The following ILDR2 variants were observed in gnomAD, a reference collection of about 807,000 sequenced individuals.
The protein encoded by ILDR2 is immunoglobulin-like domain-containing receptor 2.
Under a neutral mutation model 66.8 loss-of-function variants are expected in ILDR2, and 25 were observed. That is an observed-to-expected ratio of 0.37 (90% confidence interval 0.27 to 0.52). The LOEUF is 0.52. Among genes scored for constraint, ILDR2 ranks in the 20% least tolerant of loss-of-function variants. The probability of loss-of-function intolerance (pLI) is 0.88; values close to 1 mark genes in which losing one functional copy is unlikely to be tolerated. For missense variants in ILDR2, 827 were observed against 876.8 expected (o/e 0.94, Z 0.72); for synonymous variants, 367 against 357.2 (o/e 1.03, Z -0.31).
At chr1:166,960,207 G>A (rs1025363996) in intron 1 of ILDR2, among the ~76,000 whole-genome samples, 3 of 152,156 alleles carry the variant, frequency 2.0e-5, no homozygotes, top group African/African-American at 7.2e-5. Flanking sequence ...ATCTGGAAGC[G>A]AATACAACAG....
At chr1:166,928,317 C>T (rs1660426476) in intron 6 of ILDR2, among the ~76,000 whole-genome samples, 1 of 152,154 alleles carries the variant, frequency 6.6e-6, no homozygotes, top group Non-Finnish European at 1.5e-5. Flanking sequence ...GGGCTGGAAC[C>T]ATGTAGTCTG....
rs995542499 is a variant in ILDR2 at position 166,912,351 on chromosome 1, A to C, written c.*7004T>G. 2 of 152,218 alleles carry C rather than the reference A, an allele frequency of 1.3e-5. No homozygotes were observed. Among genetic ancestry groups the C allele is most frequent in the African/African-American group, 4.8e-5 (2 of 41,468 alleles). The allele number at this position is 152,218 out of a possible 1,614,324, so 9.4% of individuals were successfully genotyped here. A position where few individuals can be genotyped will look rare whatever the true frequency, so the allele number is the denominator to read the frequency against. On this transcript the variant is annotated 3_prime_UTR_variant, in exon 10 of 10. Coordinates refer to ENST00000271417, the MANE Select transcript of ILDR2 (RefSeq NM_199351.3). ...GTATCCTACCAACAAATCATTACTGAAGTAAACTTCCTTCAGAAAGAAAAT... is the reference window on the plus strand; with the variant it reads ...GTATCCTACCAACAAATCATTACTGCAGTAAACTTCCTTCAGAAAGAAAAT...
chr1:166,971,232 T>C (rs1019776126), intron 1 of ILDR2, among the ~76,000 whole-genome samples: 2 of 152,224 alleles, frequency 1.3e-5, no homozygotes, highest in Admixed American at 6.5e-5. Flanking sequence ...CTATGACTTA[T>C]TCATCTTTTC....
At chr1:166,975,083 T>C (rs767478468) in intron 1 of ILDR2, 140 bp downstream of exon 1, 1 of 632,082 alleles carries the variant, frequency 1.6e-6, no homozygotes, top group Non-Finnish European at 2.9e-6. Flanking sequence ...CGTTGCCCCC[T>C]CCCCCACTTT....
chr1:166,961,345 G>A (rs1275734902), intron 1 of ILDR2, among the ~76,000 whole-genome samples: 2 of 152,152 alleles, frequency 1.3e-5, no homozygotes, highest in African/African-American at 2.4e-5. Context: ...TTAGCCACTT[G>A]AGCAAGCCAC....
chr1:166,931,505 C>T (rs928994166), intron 6 of ILDR2, among the ~76,000 whole-genome samples: 2 of 152,158 alleles, frequency 1.3e-5, no homozygotes, highest in African/African-American at 4.8e-5. Flanking sequence ...TTTCAAAACC[C>T]TACTTGCCTA....
intron 7 of ILDR2, 112 bp from the exon 8 acceptor site, chr1:166,922,921 T>C: frequency 1.1e-6 from 1 of 879,528 alleles, no homozygotes; most frequent in Non-Finnish European, 1.8e-6. Context: ...CCTGCCTCAT[T>C]GCTGTCCAGG....
intron 3 of ILDR2, among the ~76,000 whole-genome samples, chr1:166,943,544 A>C (rs1208030863): frequency 6.7e-6 from 1 of 149,904 alleles, no homozygotes; most frequent in African/African-American, 2.4e-5. Flanking sequence ...ACCATTACTT[A>C]TATTTTATTG....
In ILDR2 at chr1:166,939,547, G is replaced by T; in HGVS notation, c.523C>A (p.Leu175Ile). 6.2e-7 allele frequency: 1 copy of T among 1,613,996 alleles called. No homozygotes were observed. The highest frequency in any genetic ancestry group is 8.5e-7 in the Non-Finnish European group (1 of 1,179,854). Reference protein sequence around the residue: ...VLGRTGLLADLLPSFAVEIMP... With the variant: ...VLGRTGLLADILPSFAVEIMP... ...ATCTCCACAGCAAAACTGGGCAAGA[G>T]ATCAGCAAGCAGCCCTGTCCTGCCT... The change falls in exon 4 of 10, where the codon CTC becomes ATC. Residue 175 changes from leucine (L) to isoleucine (I), a missense_variant. By Grantham distance (5) the Leu-to-Ile change is conservative. Transcript: ENST00000271417.
In ILDR2 at chr1:166,921,336, C is replaced by T. The variant is rs201507661; in HGVS notation, c.1255G>A (p.Ala419Thr). Residue 419 changes from alanine to threonine, a missense_variant, in exon 9 of 10, where the codon GCC becomes ACC. By Grantham distance (58) the Ala-to-Thr change is moderately conservative. This residue lies in a region of ILDR2 where 390 missense variants were observed against 353.6 expected (regional missense o/e 1.10). Coordinates refer to ENST00000271417, the MANE Select transcript of ILDR2 (RefSeq NM_199351.3). This position sits in a 1 kb window ranked among gnomAD's most constrained non-coding sequence, Gnocchi z 5.3. ...ATGGAAACGGCCGGCACCCCCGTGG[C>T]GAAGTTCTTCCGCGACAGCATCTCC... ...KSEMLSRKNF[A>T]TGVPAVSMDE... 1.9e-6 allele frequency: 3 copies of T among 1,583,692 alleles called. No homozygotes were observed. The highest frequency in any genetic ancestry group is 2.6e-6 in the Non-Finnish European group (3 of 1,161,508).
intron 1 of ILDR2, among the ~76,000 whole-genome samples, chr1:166,969,178 C>G (rs991545531): frequency 7.9e-5 from 12 of 152,192 alleles, no homozygotes; most frequent in African/African-American, 2.9e-4. Flanking sequence ...TCAGTTTGAG[C>G]CTCACCATCC....
chr1:166,909,287 C>T lies in ILDR2; in HGVS notation c.*10068G>A, dbSNP rs1659412417. ...TCCTGCCTTTTGGAGTAAGTCTATC[C>T]TCACTGAGAAAATGTATTGATGTAA... On this transcript the variant is annotated 3_prime_UTR_variant, in exon 10 of 10. Coordinates refer to ENST00000271417, the MANE Select transcript of ILDR2 (RefSeq NM_199351.3). The T allele has an allele frequency of 6.6e-6, 1 of 152,090 alleles. No homozygotes were observed. 9.4% of individuals were successfully genotyped at this position (152,090 alleles called of 1,614,324 possible).
At chr1:166,953,201 T>A (rs1424198793) in intron 3 of ILDR2, among the ~76,000 whole-genome samples, 1 of 152,204 alleles carries the variant, frequency 6.6e-6, no homozygotes, top group African/African-American at 2.4e-5. Context: ...CTGACCAAAG[T>A]GGGTCAACAG....
chr1:166,952,197 G>C (rs1401520126), intron 3 of ILDR2, among the ~76,000 whole-genome samples: 1 of 152,114 alleles, frequency 6.6e-6, no homozygotes, highest in Non-Finnish European at 1.5e-5. Context: ...CTTTATTCCT[G>C]TCCAAACAGT....
intron 6 of ILDR2, among the ~76,000 whole-genome samples, chr1:166,930,629 C>G (rs1273325476): frequency 6.6e-6 from 1 of 152,104 alleles, no homozygotes; most frequent in African/African-American, 2.4e-5. Flanking sequence ...TATGAAACAC[C>G]AGAAAACCTT....
At chr1:166,901,620 G>A (rs1029146246) in intron 2 of ILDR2, among the ~76,000 whole-genome samples, 20 of 152,100 alleles carry the variant, frequency 1.3e-4, no homozygotes, top group African/African-American at 4.8e-4. Flanking sequence ...TTATAGACGT[G>A]ACTTCCAAAA....
rs1659431328 is a variant in ILDR2, at chr1:166,909,772, T to TATATATAA, written c.*9582_*9583insTTATATAT. On this transcript the variant is annotated 3_prime_UTR_variant, in exon 10 of 10. Coordinates refer to ENST00000271417, the MANE Select transcript of ILDR2 (RefSeq NM_199351.3). ...ATATATATATATAAATATATATAAA[T>TATATATAA]ATATATATTTATATATATATATATA... 57 of 33,228 alleles carry TATATATAA rather than the reference T, an allele frequency of 1.7e-3. No individual in the cohort carries two copies. Among genetic ancestry groups the TATATATAA allele is most frequent in the Admixed American group, 7.1e-3 (20 of 2,808 alleles). 2.1% of individuals were successfully genotyped at this position (33,228 alleles called of 1,614,324 possible).
At chr1:166,929,235 G>C (rs977777386) in intron 6 of ILDR2, among the ~76,000 whole-genome samples, 2 of 152,196 alleles carry the variant, frequency 1.3e-5, no homozygotes, top group Non-Finnish European at 2.9e-5. Context: ...GGACAACTAA[G>C]ACCAAATCAG....
intron 2 of ILDR2, among the ~76,000 whole-genome samples, chr1:166,900,542 C>A (rs568676509): frequency 6.6e-6 from 1 of 152,308 alleles, no homozygotes; most frequent in African/African-American, 2.4e-5. Context: ...ATATTAATTT[C>A]TTTCTATGAA....
Sources: gnomAD v4.1 joint callset for allele counts (sites outside exome capture counted in the v4.1 genomes callset) on GRCh38, gnomAD v4.1.1 for gene constraint, gnomAD v4.1.1 regional missense constraint, Gnocchi (gnomAD v3.1) non-coding constraint, MANE v1.5 for transcripts, NCBI Gene and HGNC (gene_info 2026-07-23, HGNC 2026-07-21) for gene names.